The following ABTB3 variants were observed in gnomAD, a reference collection of about 807,000 sequenced individuals.
ABTB3 encodes ankyrin repeat and BTB domain containing 3, also known as ankyrin repeat- and BTB/POZ domain-containing protein 3.
the ABTB3 span, among the ~76,000 whole-genome samples, chr12:107,654,914 AT>A: frequency 6.3e-4 from 93 of 147,226 alleles, 1 homozygote; most frequent in South Asian, 2.2e-3. Flanking sequence ...GGACACAAGC[AT>A]TTTTTTTTTA....
chr12:107,622,055 A>G, the ABTB3 span, among the ~76,000 whole-genome samples: 9 of 151,850 alleles, frequency 5.9e-5, no homozygotes, highest in African/African-American at 2.2e-4. Flanking sequence ...AGCCTGGGCA[A>G]CATGATGAAA....
the ABTB3 span, among the ~76,000 whole-genome samples, chr12:107,495,367 G>A: frequency 6.6e-6 from 1 of 152,204 alleles, no homozygotes; most frequent in East Asian, 1.9e-4. Context: ...CAGCAGTGGG[G>A]CTTGGGCCAG....
the ABTB3 span, among the ~76,000 whole-genome samples, chr12:107,429,308 A>G: frequency 6.6e-6 from 1 of 152,216 alleles, no homozygotes; most frequent in African/African-American, 2.4e-5. Flanking sequence ...TAGGTAGCCC[A>G]CTATATCTTT....
the ABTB3 span, among the ~76,000 whole-genome samples, chr12:107,458,430 G>A: frequency 5.9e-5 from 9 of 152,294 alleles, no homozygotes; most frequent in Non-Finnish European, 1.2e-4. Context: ...AGCCAGAACA[G>A]CAGCCCCATC....
At chr12:107,632,738 C>T in the ABTB3 span, among the ~76,000 whole-genome samples, 1 of 152,202 alleles carries the variant, frequency 6.6e-6, no homozygotes, top group African/African-American at 2.4e-5. Context: ...GGATTGTGTT[C>T]CTTTCTGGGG....
chr12:107,506,406 T>G, the ABTB3 span, among the ~76,000 whole-genome samples: 1 of 152,170 alleles, frequency 6.6e-6, no homozygotes, highest in African/African-American at 2.4e-5. Flanking sequence ...GCATGACACA[T>G]GTCAGGCAAA....
At chr12:107,562,521 GAGTA>G in the ABTB3 span, among the ~76,000 whole-genome samples, 5,065 of 152,336 alleles carry the variant, frequency 0.033, 109 homozygotes, top group South Asian at 0.086. Context: ...GGCTGGAATA[GAGTA>G]AGTGAGTGGG....
the ABTB3 span, among the ~76,000 whole-genome samples, chr12:107,640,106 A>G: frequency 5.3e-5 from 8 of 152,326 alleles, no homozygotes. Context: ...CAAATAAGCT[A>G]TAAGGATTTC....
At chr12:107,398,456 G>C in the ABTB3 span, among the ~76,000 whole-genome samples, 1 of 152,000 alleles carries the variant, frequency 6.6e-6, no homozygotes, top group African/African-American at 2.4e-5. Flanking sequence ...CCAGCGGAAA[G>C]AGGAGGCTAG....
the ABTB3 span, among the ~76,000 whole-genome samples, chr12:107,497,227 A>C: frequency 7.5e-6 from 1 of 133,318 alleles, no homozygotes; most frequent in Non-Finnish European, 1.7e-5. Context: ...CCCCACCTCT[A>C]CGCTCACCAC....
At chr12:107,597,409 T>C in the ABTB3 span, among the ~76,000 whole-genome samples, 1 of 152,160 alleles carries the variant, frequency 6.6e-6, no homozygotes, top group Non-Finnish European at 1.5e-5. Context: ...CAGCATCTGG[T>C]GAGAGTCATC....
the ABTB3 span, among the ~76,000 whole-genome samples, chr12:107,656,517 G>C: frequency 6.6e-6 from 1 of 152,224 alleles, no homozygotes; most frequent in Non-Finnish European, 1.5e-5. Context: ...AAAAACAGGT[G>C]GTGGCCCACA....
the ABTB3 span, among the ~76,000 whole-genome samples, chr12:107,488,011 TG>T: frequency 6.6e-6 from 1 of 151,620 alleles, no homozygotes; most frequent in Non-Finnish European, 1.5e-5. Flanking sequence ...GCTCTCAGTG[TG>T]GGAAACGGTG....
the ABTB3 span, among the ~76,000 whole-genome samples, chr12:107,528,899 T>A: frequency 6.6e-6 from 1 of 151,558 alleles, no homozygotes; most frequent in Admixed American, 6.6e-5. Flanking sequence ...ATGATGGTGA[T>A]GGTGATAATG....
the ABTB3 span, among the ~76,000 whole-genome samples, chr12:107,510,259 G>A: frequency 6.6e-6 from 1 of 152,100 alleles, no homozygotes. Flanking sequence ...AGAAGACCAA[G>A]TCTAGCTTGT....
the ABTB3 span, among the ~76,000 whole-genome samples, chr12:107,469,986 T>TCTC: frequency 3.1e-5 from 2 of 65,270 alleles, no homozygotes; most frequent in African/African-American, 2.1e-4. Context: ...CTTTCTTTCT[T>TCTC]TCTTTCTTTC....
chr12:107,600,242 G>A, the ABTB3 span, among the ~76,000 whole-genome samples: 1 of 152,150 alleles, frequency 6.6e-6, no homozygotes, highest in Admixed American at 6.5e-5. Flanking sequence ...CAAGCTGTGC[G>A]ACCTTGAGCA....
the ABTB3 span, chr12:107,544,212 G>A: frequency 3.4e-6 from 5 of 1,477,888 alleles, no homozygotes; most frequent in African/African-American, 1.4e-5. Context: ...CCAGGATGGG[G>A]AGGATGATGG....
At chr12:107,421,947 A>T in the ABTB3 span, among the ~76,000 whole-genome samples, 1 of 152,240 alleles carries the variant, frequency 6.6e-6, no homozygotes, top group East Asian at 1.9e-4. Context: ...TACAGCAGTG[A>T]ACAAGAGACA....
Sources: allele counts gnomAD v4.1 joint callset (sites outside exome capture counted in the v4.1 genomes callset), GRCh38; gene constraint gnomAD v4.1.1; transcripts MANE v1.5; gene names NCBI Gene and HGNC (gene_info 2026-07-23, HGNC 2026-07-21).